The following IGF2R variants were observed in gnomAD, a reference collection of about 807,000 sequenced individuals.
The protein encoded by IGF2R is cation-independent mannose-6-phosphate receptor.
IGF2R carries 91 observed loss-of-function variants against 270.6 expected under a neutral mutation model. That is an observed-to-expected ratio of 0.34 (90% CI 0.28 to 0.40). IGF2R has a LOEUF of 0.40. Among genes scored for constraint, IGF2R ranks in the 10% least tolerant of loss-of-function variants. The pLI is 1.00. For synonymous variants in IGF2R, 1,316 were observed against 1,258.9 expected, an observed-to-expected ratio of 1.05 and a Z score of -0.96; for missense variants, 2,805 against 3,188.3, an observed-to-expected ratio of 0.88 and a Z score of 2.90.
intron 1 of IGF2R, among the ~76,000 whole-genome samples, chr6:159,969,673 T>A (rs1256259333): frequency 6.6e-6 from 1 of 152,096 alleles, no homozygotes; most frequent in Non-Finnish European, 1.5e-5. Context: ...GGGGTGGCTT[T>A]GTGCGGAGCG....
intron 1 of IGF2R, among the ~76,000 whole-genome samples, chr6:159,986,418 GTGTGTGTGTGTGT>G (rs1447709926): frequency 1.8e-5 from 2 of 109,402 alleles, no homozygotes; most frequent in Non-Finnish European, 3.7e-5. Context: ...GTGTGTGTGT[GTGTGTGTGTGTGT>G]TTTTTTTTTT....
intron 2 of IGF2R, among the ~76,000 whole-genome samples, chr6:160,008,322 C>T (rs1034371234): frequency 8.5e-5 from 13 of 152,164 alleles, no homozygotes; most frequent in African/African-American, 3.1e-4. Flanking sequence ...TTTTCCCTGA[C>T]CTATTACTTC....
intron 44 of IGF2R, 97 bp from the exon 45 acceptor site, chr6:160,096,342 T>TAA: frequency 2.7e-6 from 3 of 1,127,438 alleles, no homozygotes; most frequent in Non-Finnish European, 3.8e-6. Context: ...TGCCTGATTT[T>TAA]AAGTCTTTGC....
At chr6:160,036,779 AAAG>A (rs1353575272) in intron 10 of IGF2R, among the ~76,000 whole-genome samples, 2 of 152,236 alleles carry the variant, frequency 1.3e-5, no homozygotes, top group Non-Finnish European at 2.9e-5. Flanking sequence ...TAGAAAAAAA[AAAG>A]AAGACCCGCA....
At chr6:160,098,070 A>G (rs542675912) in intron 45 of IGF2R, among the ~76,000 whole-genome samples, 7 of 152,222 alleles carry the variant, frequency 4.6e-5, no homozygotes, top group Non-Finnish European at 8.8e-5. Flanking sequence ...GATAAAACCC[A>G]GAAGTGAACT....
intron 45 of IGF2R, 111 bp downstream of exon 45, chr6:160,096,736 C>A: frequency 3.3e-6 from 3 of 899,744 alleles, no homozygotes; most frequent in Non-Finnish European, 5.0e-6. Context: ...AGAACATGCA[C>A]CAAAAAATAG....
chr6:160,071,845 T>G, intron 31 of IGF2R, 65 bp from the exon 32 acceptor site: 10 of 1,585,546 alleles, frequency 6.3e-6, no homozygotes, highest in South Asian at 1.1e-5. Flanking sequence ...ACTTGTAAGT[T>G]GAAATCATGA....
Position 160,079,600 on chromosome 6 carries a change from C to A in IGF2R, c.5499C>A (p.Thr1833=). Residue 1833 remains threonine, a synonymous_variant, in exon 38 of 48, where the codon ACC becomes ACA. Transcript: ENST00000356956. ...STFKVTRDSR[T]YSVGVCTFAV... Reference sequence around the variant, plus strand: ...TCCAGGTGACTCGCGACTCGCGCACCTACAGCGTTGGGGTGTGCACCTTTG... The same window carrying A: ...TCCAGGTGACTCGCGACTCGCGCACATACAGCGTTGGGGTGTGCACCTTTG... The A allele has an allele frequency of 6.8e-7, 1 of 1,466,294 alleles. No homozygotes were observed. The highest frequency in any genetic ancestry group is 2.5e-5 in the Admixed American group (1 of 39,288). The allele number at this position is 1,466,294 out of a possible 1,614,324, so 90.8% of individuals were successfully genotyped here.
chr6:160,062,678 A>G, intron 26 of IGF2R, 59 bp downstream of exon 26: 1 of 1,239,180 alleles, frequency 8.1e-7, no homozygotes, highest in Non-Finnish European at 1.2e-6. Context: ...AGACGTTCTG[A>G]ACGATGCCTT....
intron 14 of IGF2R, 110 bp from the exon 15 acceptor site, chr6:160,046,388 C>A: frequency 1.9e-6 from 2 of 1,043,958 alleles, no homozygotes; most frequent in East Asian, 2.5e-5. Context: ...TTCTTCCTGC[C>A]GTTGGGAACC....
At chr6:160,038,990 C>G (rs1328714332) in intron 10 of IGF2R, among the ~76,000 whole-genome samples, 6 of 152,182 alleles carry the variant, frequency 3.9e-5, no homozygotes, top group Admixed American at 1.3e-4. Flanking sequence ...TTTAGCCACC[C>G]TAAATCTGCA....
Position 160,072,011 on chromosome 6 carries a change from C to G in IGF2R, c.4545C>G (p.Asp1515Glu). 1 of 1,614,218 alleles carries G rather than the reference C, an allele frequency of 6.2e-7. No individual in the cohort carries two copies. The highest frequency in any genetic ancestry group is 8.5e-7 in the Non-Finnish European group (1 of 1,180,034). The change falls in exon 32 of 48, where the codon GAC becomes GAG. Residue 1515 changes from aspartate (D) to glutamate (E), a missense_variant. Transcript: ENST00000356956. ...CCATGAAGAGCAACGAGCATGATGACTGCCAGGTCACCAACCCAAGCACAG... is the reference window on the plus strand; with the variant it reads ...CCATGAAGAGCAACGAGCATGATGAGTGCCAGGTCACCAACCCAAGCACAG... ...ACPMKSNEHD[D>E]CQVTNPSTGH...
intron 1 of IGF2R, among the ~76,000 whole-genome samples, chr6:159,977,496 T>TC (rs74354805): frequency 0.29 from 44,292 of 152,086 alleles, 6,922 homozygotes; most frequent in East Asian, 0.49. Flanking sequence ...CAAGCGCTGT[T>TC]CTGCCAAGAC....
intron 1 of IGF2R, among the ~76,000 whole-genome samples, chr6:159,981,945 G>C (rs1783810666): frequency 6.6e-6 from 1 of 152,284 alleles, no homozygotes; most frequent in East Asian, 1.9e-4. Context: ...GCATTTCCCT[G>C]CTTCTATTTA....
At chr6:160,047,711 T>C in intron 16 of IGF2R, 81 bp from the exon 17 acceptor site, 3 of 877,754 alleles carry the variant, frequency 3.4e-6, no homozygotes, top group Non-Finnish European at 5.9e-6. Context: ...GGAACATTGC[T>C]CTCGTCCTTT....
At position 160,109,003 on chromosome 6, in the gene IGF2R, C is replaced by T. The variant is rs1363542821; in HGVS notation, c.*3919C>T. ...GCCAGGTCTTTTTCTTAAAGAGGGA[C>T]AGACTGAAGGTAGGCTGTGAATGGT... On this transcript the variant is annotated 3_prime_UTR_variant, in exon 48 of 48. Coordinates refer to ENST00000356956, the MANE Select transcript of IGF2R (RefSeq NM_000876.4). 6.6e-6 allele frequency: 1 copy of T among 152,264 alleles called. No homozygotes were observed. The highest frequency in any genetic ancestry group is 6.5e-5 in the Admixed American group (1 of 15,288). The allele number at this position is 152,264 out of a possible 1,614,324, so 9.4% of individuals were successfully genotyped here. A position where few individuals can be genotyped will look rare whatever the true frequency, so the allele number is the denominator to read the frequency against.
At chr6:160,077,523 T>C (rs1169407242) in intron 36 of IGF2R, among the ~76,000 whole-genome samples, 1 of 152,220 alleles carries the variant, frequency 6.6e-6, no homozygotes, top group African/African-American at 2.4e-5. Context: ...AGCTGCACAT[T>C]GAGGGTGATT....
intron 2 of IGF2R, chr6:160,007,254 G>A (rs1204153879): frequency 6.6e-6 from 1 of 152,218 alleles, no homozygotes; most frequent in African/African-American, 2.4e-5. Context: ...CCTGAGTGGA[G>A]TAACTAGGTC....
At chr6:160,011,603 C>T (rs551104348) in intron 4 of IGF2R, among the ~76,000 whole-genome samples, 61 of 131,598 alleles carry the variant, frequency 4.6e-4, no homozygotes, top group African/African-American at 1.5e-3. Context: ...CTTAGTGATA[C>T]GCAAGAATAA....
Sources: allele counts gnomAD v4.1 joint callset (sites outside exome capture counted in the v4.1 genomes callset), GRCh38; gene constraint gnomAD v4.1.1; transcripts MANE v1.5; gene names NCBI Gene and HGNC (gene_info 2026-07-23, HGNC 2026-07-21).